Variants in RIMS3 observed in about 807,000 individuals in gnomAD.
RIMS3 encodes the protein regulating synaptic membrane exocytosis protein 3.
RIMS3 carries 15 observed loss-of-function variants against 29.2 expected under a neutral mutation model. That is an observed-to-expected ratio of 0.51 (90% CI 0.34 to 0.79). The LOEUF (loss-of-function observed/expected upper bound fraction) is 0.79. Ranked by LOEUF, RIMS3 falls within the 30% of genes least tolerant of loss-of-function variation. The pLI is 0.01. For missense variants in RIMS3, 342 were observed against 421.4 expected (o/e 0.81, Z 1.65); for synonymous variants, 161 against 170.1 (o/e 0.95, Z 0.41).
At chr1:40,628,314 C>T (rs1340925885) in intron 7 of RIMS3, among the ~76,000 whole-genome samples, 1 of 152,162 alleles carries the variant, frequency 6.6e-6, no homozygotes, top group Non-Finnish European at 1.5e-5. Context: ...CTAACAATAC[C>T]AAGTGTGCAG....
chr1:40,673,855 G>A, the RIMS3 span, among the ~76,000 whole-genome samples: 413 of 152,336 alleles, frequency 2.7e-3, 4 homozygotes, highest in African/African-American at 9.4e-3. Context: ...CACTCTCTGA[G>A]CCTGTTTCCT....
chr1:40,636,989 C>T lies in RIMS3; in HGVS notation c.218-932G>A, dbSNP rs541189271. Among the ~76,000 whole-genome samples, 18 of 152,338 alleles carry T rather than the reference C, an allele frequency of 1.2e-4. No individual in the cohort carries two copies. The South Asian group carries it at 1.2e-3, about 11-fold the overall frequency. ...CCTGAGGGTTTGCAGGGACTTCCCC[C>T]GCTGAAGCTTGGCAGCTGGAGGAAC... On this transcript the variant is annotated intron_variant, in intron 3 of 7. Coordinates refer to ENST00000372684, the MANE Select transcript of RIMS3 (RefSeq NM_014747.3). The surrounding 1 kb of genome is among the most constrained non-coding windows in gnomAD (Gnocchi z 4.2).
intron 1 of RIMS3, among the ~76,000 whole-genome samples, chr1:40,655,235 C>A (rs539094897): frequency 6.6e-6 from 1 of 152,246 alleles, no homozygotes; most frequent in South Asian, 2.1e-4. Flanking sequence ...GGACATGAAG[C>A]CCCAGGGGCA....
At chr1:40,651,706 T>C (rs1646633084) in intron 1 of RIMS3, among the ~76,000 whole-genome samples, 1 of 152,220 alleles carries the variant, frequency 6.6e-6, no homozygotes, top group African/African-American at 2.4e-5. Flanking sequence ...TAAATATTTG[T>C]AGAATGAATG....
intron 4 of RIMS3, 33 bp from the exon 5 acceptor site, chr1:40,633,214 G>T (rs935087406): frequency 1.3e-6 from 2 of 1,551,656 alleles, no homozygotes; most frequent in Admixed American, 1.7e-5. Flanking sequence ...GCGTGAGGGG[G>T]TCAGGGCAAC....
chr1:40,640,195 C>T (rs956946310), intron 3 of RIMS3, among the ~76,000 whole-genome samples: 8 of 152,136 alleles, frequency 5.3e-5, no homozygotes, highest in Non-Finnish European at 1.0e-4. Context: ...ATCTTAATCT[C>T]ACTCCTTAGT....
At chr1:40,646,719 G>A (rs532055265) in intron 2 of RIMS3, among the ~76,000 whole-genome samples, 2 of 152,094 alleles carry the variant, frequency 1.3e-5, no homozygotes, top group Non-Finnish European at 2.9e-5. Flanking sequence ...TAAGCTTTGT[G>A]TTTTCTTTTT....
intron 1 of RIMS3, among the ~76,000 whole-genome samples, chr1:40,658,910 A>G (rs1339668209): frequency 6.6e-6 from 1 of 152,172 alleles, no homozygotes; most frequent in Non-Finnish European, 1.5e-5. Flanking sequence ...ATAAGCAAAG[A>G]CCTAATTAAG....
chr1:40,670,574 TTATATATATATATATATATATATA>T (rs553412097), upstream of RIMS3, among the ~76,000 whole-genome samples: 5 of 71,190 alleles, frequency 7.0e-5, no homozygotes, highest in Non-Finnish European at 1.2e-4. Context: ...AGTTATAATT[TTATATATATATATATATATATATA>T]TATATATATA....
rs528033298 is a variant in RIMS3 at position 40,634,622 on chromosome 1, C to T, written c.359+1294G>A. 1.4e-4 allele frequency among the ~76,000 whole-genome samples: 22 copies of T among 152,246 alleles called. 1 individual carries two copies. The South Asian group carries it at 4.4e-3, about 30-fold the overall frequency. ...TTGTAAAATGGAGATAATGGTAATA[C>T]CCACAACCCTCAGGGTTGCTGTAAG... On this transcript the variant is annotated intron_variant, in intron 4 of 7. Transcript: ENST00000372684.
intron 5 of RIMS3, among the ~76,000 whole-genome samples, chr1:40,631,562 C>T (rs1646489202): frequency 6.6e-6 from 1 of 151,928 alleles, no homozygotes; most frequent in African/African-American, 2.4e-5. Flanking sequence ...GCCTGTAGTC[C>T]CAGCTACTCG....
the RIMS3 span, among the ~76,000 whole-genome samples, chr1:40,678,690 T>G: frequency 6.6e-6 from 1 of 152,178 alleles, no homozygotes; most frequent in Non-Finnish European, 1.5e-5. Context: ...TCCCTGTGCT[T>G]GCTCCAGAGT....
chr1:40,646,890 T>C (rs945036744), intron 2 of RIMS3, among the ~76,000 whole-genome samples: 28 of 151,764 alleles, frequency 1.8e-4, no homozygotes, highest in African/African-American at 6.5e-4. Flanking sequence ...AACTTTTTTT[T>C]TTTTTTTTGA....
the RIMS3 span, chr1:40,691,868 G>A: frequency 2.5e-6 from 1 of 402,722 alleles, no homozygotes. Context: ...CTGAGCAGAG[G>A]TGTGTGAGTG....
rs1439950483 is a variant in RIMS3, at chr1:40,635,367, C to T, written c.359+549G>A. On this transcript the variant is annotated intron_variant, in intron 4 of 7. Transcript: ENST00000372684. The surrounding 1 kb of genome is among the most constrained non-coding windows in gnomAD (Gnocchi z 4.1). ...CATAAAAAATGGAAACAAAAGTTCA[C>T]GAGGCAATTTATTCTTACTTCATAA... Among the ~76,000 whole-genome samples the T allele has an allele frequency of 6.6e-6, 1 of 152,194 alleles. No homozygotes were observed. Among genetic ancestry groups the T allele is most frequent in the Non-Finnish European group, 1.5e-5 (1 of 68,038 alleles).
chr1:40,648,719 C>T (rs1190950337), intron 1 of RIMS3, among the ~76,000 whole-genome samples: 1 of 152,170 alleles, frequency 6.6e-6, no homozygotes, highest in Non-Finnish European at 1.5e-5. Flanking sequence ...CAGGGGAAGG[C>T]CCAGAGACTA....
the RIMS3 span, among the ~76,000 whole-genome samples, chr1:40,683,391 T>C: frequency 6.6e-6 from 1 of 152,226 alleles, no homozygotes; most frequent in African/African-American, 2.4e-5. Flanking sequence ...GGGTTAGTTA[T>C]GGAGGGAGTG....
At position 40,626,852 on chromosome 1, in the gene RIMS3, C is replaced by T. The variant is rs993482325; in HGVS notation, c.715-123G>A. 5 of 813,116 alleles carry T rather than the reference C, an allele frequency of 6.1e-6. No individual in the cohort carries two copies. The African/African-American group carries it at 6.8e-5, about 11-fold the overall frequency. The allele number at this position is 813,116 out of a possible 1,614,324, so 50.4% of individuals were successfully genotyped here. ...GAGCAGAGGGAGCCAGAACTCAAGA[C>T]TGATTTCACACAATAATTTACTGAG... On this transcript the variant is annotated intron_variant, in intron 7 of 7. Coordinates refer to ENST00000372684, the MANE Select transcript of RIMS3 (RefSeq NM_014747.3).
chr1:40,658,252 G>C (rs1642299218), intron 1 of RIMS3, among the ~76,000 whole-genome samples: 1 of 152,156 alleles, frequency 6.6e-6, no homozygotes, highest in South Asian at 2.1e-4. Flanking sequence ...AGAAAATTCA[G>C]GCTTTCTTCT....
Sources: allele counts gnomAD v4.1 joint callset (sites outside exome capture counted in the v4.1 genomes callset), GRCh38; gene constraint gnomAD v4.1.1; non-coding constraint Gnocchi (gnomAD v3.1); transcripts MANE v1.5; gene names NCBI Gene and HGNC (gene_info 2026-07-23, HGNC 2026-07-21).